Variants in TFIP11 observed in about 807,000 individuals in gnomAD.
TFIP11 encodes the protein tuftelin-interacting protein 11.
Under a neutral mutation model 96.8 loss-of-function variants are expected in TFIP11, and 86 were observed. The observed-to-expected ratio is 0.89, with a 90% CI of 0.75 to 1.06. The LOEUF (loss-of-function observed/expected upper bound fraction) is 1.06. Ranked by LOEUF, TFIP11 falls within the 50% of genes least tolerant of loss-of-function variation. The pLI, the probability that TFIP11 is intolerant of heterozygous loss-of-function variation, is 0.00. For missense variants in TFIP11, 881 were observed against 1,076.7 expected (o/e 0.82, Z 2.54); for synonymous variants, 405 against 395.2 (o/e 1.02, Z -0.29).
At chr22:26,503,524 G>A (rs1923037933) in intron 7 of TFIP11, 142 bp downstream of exon 7, 2 of 1,020,456 alleles carry the variant, frequency 2.0e-6, no homozygotes, top group Non-Finnish European at 1.4e-6. Flanking sequence ...TCTCATCATG[G>A]TGCACCTAGC....
At chr22:26,503,556 A>C (rs1923042821) in intron 7 of TFIP11, 110 bp downstream of exon 7, 8 of 1,365,400 alleles carry the variant, frequency 5.9e-6, no homozygotes, top group Non-Finnish European at 7.0e-6. Context: ...TACCTGGCAT[A>C]CGGTACATGT....
intron 7 of TFIP11, among the ~76,000 whole-genome samples, chr22:26,502,671 A>T (rs1922937300): frequency 6.6e-6 from 1 of 152,176 alleles, no homozygotes. Flanking sequence ...TGTTTTTCTC[A>T]TACTGGTTAA....
chr22:26,511,787 C>T (rs1473225482), intron 2 of TFIP11: 1 of 152,238 alleles, frequency 6.6e-6, no homozygotes, highest in Non-Finnish European at 1.5e-5. Context: ...CTTCTACTCA[C>T]TGGTGCACCG....
chr22:26,503,552 G>T, intron 7 of TFIP11, 114 bp downstream of exon 7: 1 of 1,329,482 alleles, frequency 7.5e-7, no homozygotes, highest in Non-Finnish European at 1.0e-6. Context: ...CCAGTACCTG[G>T]CATACGGTAC....
rs1458592157 is a variant in TFIP11 at position 26,499,518 on chromosome 22, C to T, written c.915G>A (p.Gln305=). 6.2e-7 allele frequency: 1 copy of T among 1,614,234 alleles called. No individual in the cohort carries two copies. Among genetic ancestry groups the T allele is most frequent in the Admixed American group, 1.7e-5 (1 of 60,032 alleles). ...CGGGGGCCTTGGCCTCTTTGCCAGACTGTGGCAGCTGTTGGGACTGTAGCG... is the reference window on the plus strand; with the variant it reads ...CGGGGGCCTTGGCCTCTTTGCCAGATTGTGGCAGCTGTTGGGACTGTAGCG... ...GLPLQSQQLP[Q]SGKEAKAPGF... The change falls in exon 9 of 15, where the codon CAG becomes CAA. Residue 305 remains glutamine (Q), a synonymous_variant. Transcript: ENST00000407690.
At position 26,499,537 on chromosome 22, in the gene TFIP11, T is replaced by C. The variant is rs765279883; in HGVS notation, c.896A>G (p.Gln299Arg). 6.2e-6 allele frequency: 10 copies of C among 1,614,208 alleles called. No individual in the cohort carries two copies. Among genetic ancestry groups the C allele is most frequent in the Middle Eastern group, 1.6e-4 (1 of 6,062 alleles). ...GCCAGACTGTGGCAGCTGTTGGGAC[T>C]GTAGCGGCAGCCCATCATCGGGAAC... ...HNVPDDGLPL[Q>R]SQQLPQSGKE... The change falls in exon 9 of 15, where the codon CAG becomes CGG. Residue 299 changes from glutamine (Q) to arginine (R), a missense_variant. Physicochemically the swap from Gln to Arg is conservative, Grantham distance 43. Transcript: ENST00000407690.
rs1569156250 is a variant in TFIP11, at chr22:26,494,850, CAG to C, written c.1937_1938del (p.Ser646CysfsTer3). 6.2e-7 allele frequency: 1 copy of C among 1,614,214 alleles called. No homozygotes were observed. The highest frequency in any genetic ancestry group is 8.5e-7 in the Non-Finnish European group (1 of 1,180,034). On this transcript the variant is annotated frameshift_variant, in exon 13 of 15. Transcript: ENST00000407690. LOFTEE classifies it high-confidence loss of function. ...TCAAGAAGTCCCACCAGGCTAGAGA[CAG>C]AGATCATCCCTTCCCAGTCAATCAC... ...YWVIDWEGMI[S>X]VSSLVGLLEK...
Position 26,505,638 on chromosome 22 carries a change from G to A in TFIP11, c.520+665C>T, listed in dbSNP as rs568262131. Among the ~76,000 whole-genome samples the A allele has an allele frequency of 1.4e-4, 22 of 152,032 alleles. No individual in the cohort carries two copies. The South Asian group carries it at 4.6e-3, about 32-fold the overall frequency. ...CTGCCAGGCAAAATCTAGAATTTTA[G>A]GTGAAATTGTCTGTTTTTTAAATAT... On this transcript the variant is annotated intron_variant, in intron 6 of 14. Coordinates refer to ENST00000407690, the MANE Select transcript of TFIP11 (RefSeq NM_012143.4).
intron 5 of TFIP11, 68 bp downstream of exon 5, chr22:26,506,707 G>C: frequency 1.9e-6 from 3 of 1,578,958 alleles, no homozygotes; most frequent in South Asian, 2.3e-5. Context: ...TCCCTGGCTA[G>C]AAAATGCTTG....
chr22:26,507,835 C>T (rs1338067136), intron 4 of TFIP11, among the ~76,000 whole-genome samples: 1 of 152,032 alleles, frequency 6.6e-6, no homozygotes, highest in Non-Finnish European at 1.5e-5. Context: ...CAATAAAAAA[C>T]CCTGGAGCCA....
rs757131973 is a variant in TFIP11 at position 26,506,337 on chromosome 22, G to A, written c.486C>T (p.Tyr162=). The A allele has an allele frequency of 1.9e-5, 31 of 1,613,192 alleles. No individual in the cohort carries two copies. The highest frequency in any genetic ancestry group is 1.9e-4 in the South Asian group (17 of 90,862). ...IGQKLLQKMG[Y]VPGRGLGKNA... is the part of the protein sequence containing the mutation. ...TCTTCCCGAGGCCCCGTCCAGGGAC[G>A]TAGCCCATCTTCTGAAGAAGCTTCT... The change falls in exon 6 of 15, where the codon TAC becomes TAT. Residue 162 remains tyrosine (Y), a synonymous_variant. Coordinates refer to ENST00000407690, the MANE Select transcript of TFIP11 (RefSeq NM_012143.4).
At chr22:26,496,039 G>C in intron 12 of TFIP11, 34 bp downstream of exon 12, 1 of 1,602,934 alleles carries the variant, frequency 6.2e-7, no homozygotes. Flanking sequence ...CACCAAAGCT[G>C]CTGGGCTTGG....
chr22:26,498,844 TAC>T (rs778200304), intron 10 of TFIP11, 23 bp downstream of exon 10: 1 of 1,571,068 alleles, frequency 6.4e-7, no homozygotes, highest in Non-Finnish European at 8.8e-7. Flanking sequence ...GGAGCTGGGG[TAC>T]AGAGCCCTGC....
Position 26,499,132 on chromosome 22 carries a change from T to A in TFIP11, c.1301A>T (p.Glu434Val). The A allele has an allele frequency of 6.3e-7, 1 of 1,591,642 alleles. No individual in the cohort carries two copies. The highest frequency in any genetic ancestry group is 1.3e-5 in the African/African-American group (1 of 74,634). Residue 434 changes from glutamate to valine, a missense_variant, in exon 9 of 15, where the codon GAG becomes GTG. Coordinates refer to ENST00000407690, the MANE Select transcript of TFIP11 (RefSeq NM_012143.4). ...GAGGGGATCCCACTCCTTGAAGTACTCCTTCATGAGTGGATAGACGATGGC... is the reference window on the plus strand; with the variant it reads ...GAGGGGATCCCACTCCTTGAAGTACACCTTCATGAGTGGATAGACGATGGC... ...AVAIVYPLMK[E>V]YFKEWDPLKD...
chr22:26,498,468 G>A (rs1420278296), intron 10 of TFIP11, among the ~76,000 whole-genome samples: 2 of 150,608 alleles, frequency 1.3e-5, no homozygotes, highest in Admixed American at 1.3e-4. Context: ...GCTTGAACCA[G>A]GCAGTTGGCG....
At chr22:26,498,470 C>T (rs920795256) in intron 10 of TFIP11, among the ~76,000 whole-genome samples, 12 of 147,560 alleles carry the variant, frequency 8.1e-5, no homozygotes, top group Non-Finnish European at 1.5e-4. Context: ...TTGAACCAGG[C>T]AGTTGGCGGT....
chr22:26,492,344 C>A lies in TFIP11; in HGVS notation c.2183G>T (p.Arg728Leu), dbSNP rs371455445. 1.9e-6 allele frequency: 3 copies of A among 1,614,112 alleles called. No individual in the cohort carries two copies. In the African/African-American group the frequency reaches 4.0e-5, roughly 22 times the overall value. ...GTGGGTGAGATAGGCAATGTTCTCC[C>A]GTGCTCCTGGCTGCATGTAGGCACC... ...NVGAYMQPGARENIAYLTHTE... is the reference protein window; with the variant it reads ...NVGAYMQPGALENIAYLTHTE... The change falls in exon 15 of 15, where the codon CGG becomes CTG. Residue 728 changes from arginine (R) to leucine (L), a missense_variant. Coordinates refer to ENST00000407690, the MANE Select transcript of TFIP11 (RefSeq NM_012143.4).
rs1923881590 is a variant in TFIP11, at chr22:26,510,170, A to T, written c.103T>A (p.Phe35Ile). The change falls in exon 4 of 15, where the codon TTC becomes ATC. Residue 35 changes from phenylalanine to isoleucine, a missense_variant. Transcript: ENST00000407690. Reference protein sequence around the residue: ...EITDWDLQNEFNPNRQRHWQT... With the variant: ...EITDWDLQNEINPNRQRHWQT... ...CAGTGGCGCTGTCGGTTGGGGTTGA[A>T]CTCATTCTGGAGATCCCAGTCAGTG... 2 of 1,613,806 alleles carry T rather than the reference A, an allele frequency of 1.2e-6. No individual in the cohort carries two copies. Among genetic ancestry groups the T allele is most frequent in the Non-Finnish European group, 8.5e-7 (1 of 1,179,942 alleles).
intron 8 of TFIP11, 21 bp downstream of exon 8, chr22:26,501,879 G>A: frequency 6.3e-7 from 1 of 1,599,654 alleles, no homozygotes; most frequent in Non-Finnish European, 8.5e-7. Flanking sequence ...TCCTGTACCA[G>A]GTGTCCAAGG....
Sources: allele counts gnomAD v4.1 joint callset (sites outside exome capture counted in the v4.1 genomes callset), GRCh38; gene constraint gnomAD v4.1.1; transcripts MANE v1.5; gene names NCBI Gene and HGNC (gene_info 2026-07-23, HGNC 2026-07-21).